CCDC171: variants seen among roughly 807,000 people sequenced by gnomAD.
The protein encoded by CCDC171 is coiled-coil domain-containing protein 171.
In CCDC171, 177 loss-of-function variants were observed where a neutral mutation model predicts 168.2. The observed-to-expected ratio is 1.05, with a 90% CI of 0.93 to 1.19. The LOEUF (loss-of-function observed/expected upper bound fraction) is 1.19, where lower values mean the gene tolerates loss of function less well. CCDC171 is among the 50% of genes most tolerant of loss of function. The pLI is 0.00. For synonymous variants in CCDC171, 687 were observed against 540.8 expected, an observed-to-expected ratio of 1.27 and a Z score of -3.75; for missense variants, 1,991 against 1,539.0, an observed-to-expected ratio of 1.29 and a Z score of -4.91.
At position 15,784,524 on chromosome 9, in the gene CCDC171, G is replaced by A; in HGVS notation, c.3097G>A (p.Glu1033Lys). 3 of 1,612,270 alleles carry A rather than the reference G, an allele frequency of 1.9e-6. No homozygotes were observed. The highest frequency in any genetic ancestry group is 1.7e-4 in the Middle Eastern group (1 of 6,056). The change falls in exon 21 of 26, where the codon GAG becomes AAG. Residue 1033 changes from glutamate (E) to lysine (K), a missense_variant. By Grantham distance (56) the Glu-to-Lys change is moderately conservative. Coordinates refer to ENST00000380701, the MANE Select transcript of CCDC171 (RefSeq NM_173550.4). ...EFKQSKLITH[E>K]KFESACEELN... ...CTTTTTACAGAAATTGATCACCCAT[G>A]AGAAGTTTGAAAGTGCATGTGAAGA... is the stretch of plus-strand genomic sequence containing the variant.
intron 7 of CCDC171, among the ~76,000 whole-genome samples, chr9:15,640,403 C>G (rs2046512570): frequency 6.6e-6 from 1 of 151,962 alleles, no homozygotes; most frequent in Admixed American, 6.6e-5. Flanking sequence ...AAAAAAAACA[C>G]CACCTTCAAA....
At chr9:15,841,473 T>G (rs1298976864) in intron 21 of CCDC171, among the ~76,000 whole-genome samples, 2 of 152,036 alleles carry the variant, frequency 1.3e-5, no homozygotes, top group Non-Finnish European at 2.9e-5. Context: ...TAACTAAGAC[T>G]GCCATTTATT....
the CCDC171 span, among the ~76,000 whole-genome samples, chr9:16,079,593 C>A: frequency 6.6e-6 from 1 of 152,188 alleles, no homozygotes; most frequent in East Asian, 1.9e-4. Context: ...TCACCAGAAG[C>A]CGGGAGAGAG....
chr9:15,938,095 T>C (rs1453975934), intron 25 of CCDC171, among the ~76,000 whole-genome samples: 1 of 151,898 alleles, frequency 6.6e-6, no homozygotes, highest in Non-Finnish European at 1.5e-5. Flanking sequence ...ATCTACCTCA[T>C]CTATTATTTA....
At chr9:15,716,045 C>T (rs1417483734) in intron 11 of CCDC171, among the ~76,000 whole-genome samples, 4 of 152,154 alleles carry the variant, frequency 2.6e-5, no homozygotes, top group Non-Finnish European at 4.4e-5. Context: ...CATATTTGGG[C>T]ACCCAGTGAC....
chr9:15,894,190 A>G (rs1182779254), intron 24 of CCDC171, among the ~76,000 whole-genome samples: 2 of 152,234 alleles, frequency 1.3e-5, no homozygotes, highest in African/African-American at 4.8e-5. Context: ...AAAACCAAAT[A>G]CTGCATGTTC....
chr9:15,796,584 G>A (rs1410279239), intron 21 of CCDC171, among the ~76,000 whole-genome samples: 1 of 152,156 alleles, frequency 6.6e-6, no homozygotes, highest in Admixed American at 6.5e-5. Flanking sequence ...AGTGCCTTTT[G>A]ACAAATGTAT....
chr9:15,790,784 G>A (rs910022409), intron 21 of CCDC171, among the ~76,000 whole-genome samples: 1 of 152,172 alleles, frequency 6.6e-6, no homozygotes, highest in South Asian at 2.1e-4. Flanking sequence ...TAAGGTGTAA[G>A]GAAGGGATCC....
chr9:15,786,241 T>G (rs1200363137), intron 21 of CCDC171, among the ~76,000 whole-genome samples: 1 of 152,168 alleles, frequency 6.6e-6, no homozygotes, highest in African/African-American at 2.4e-5. Flanking sequence ...TATACTGTTT[T>G]GAAACTTACT....
intron 3 of CCDC171, among the ~76,000 whole-genome samples, chr9:16,007,660 G>C (rs1832746704): frequency 6.6e-6 from 1 of 152,166 alleles, no homozygotes; most frequent in Non-Finnish European, 1.5e-5. Flanking sequence ...TGGCTAGCCA[G>C]TTTTCCCAGC....
At chr9:15,902,426 T>A (rs1821829434) in intron 24 of CCDC171, among the ~76,000 whole-genome samples, 1 of 152,152 alleles carries the variant, frequency 6.6e-6, no homozygotes, top group African/African-American at 2.4e-5. Context: ...GTTGGAAATT[T>A]TCTAGGCAAA....
chr9:15,694,685 C>A (rs1332493080), intron 10 of CCDC171, among the ~76,000 whole-genome samples: 1 of 152,160 alleles, frequency 6.6e-6, no homozygotes, highest in Non-Finnish European at 1.5e-5. Context: ...TGGTCTAACC[C>A]AATGCAGTTT....
rs939451601 is a variant in CCDC171, at chr9:15,973,596, C to T, written c.*1760C>T. 5 of 152,016 alleles carry T rather than the reference C, an allele frequency of 3.3e-5. No individual in the cohort carries two copies. In the East Asian group the frequency reaches 9.6e-4, roughly 29 times the overall value. The allele number at this position is 152,016 out of a possible 1,614,324, so 9.4% of individuals were successfully genotyped here. The stretch of plus-strand genomic sequence containing the variant: ...TTAACCAAATTTCTCTTAATTCTTT[C>T]CTTGGAATTATTTTTAATATGACCT... On this transcript the variant is annotated 3_prime_UTR_variant, in exon 26 of 26. Coordinates refer to ENST00000380701, the MANE Select transcript of CCDC171 (RefSeq NM_173550.4).
At chr9:15,983,215 C>T (rs1280326914) in intron 3 of CCDC171, among the ~76,000 whole-genome samples, 2 of 152,008 alleles carry the variant, frequency 1.3e-5, no homozygotes, top group Admixed American at 6.6e-5. Context: ...TAAGGTTATA[C>T]CCTCCTGCTT....
chr9:15,629,711 A>G (rs1475914228), intron 7 of CCDC171, among the ~76,000 whole-genome samples: 1 of 152,210 alleles, frequency 6.6e-6, no homozygotes, highest in Non-Finnish European at 1.5e-5. Context: ...GAGCAACTCT[A>G]AGACACATAA....
At chr9:15,779,450 C>A (rs2057540726) in intron 20 of CCDC171, among the ~76,000 whole-genome samples, 3 of 152,066 alleles carry the variant, frequency 2.0e-5, no homozygotes, top group Admixed American at 2.0e-4. Context: ...ACCTCTGCCC[C>A]CCGGGTTCAA....
chr9:15,784,496 C>T lies in CCDC171; in HGVS notation c.3082-13C>T, dbSNP rs781003509. 7.6e-6 allele frequency: 12 copies of T among 1,587,894 alleles called. No homozygotes were observed. The highest frequency in any genetic ancestry group is 9.5e-6 in the Non-Finnish European group (11 of 1,158,898). ...GCTTTATAACTGATTCTCCCCTCTC[C>T]TCCTTTTTACAGAAATTGATCACCC... On this transcript the variant is annotated splice_polypyrimidine_tract_variant and intron_variant, in intron 20 of 25. Transcript: ENST00000380701.
chr9:15,578,762 A>T, intron 3 of CCDC171, 87 bp from the exon 4 acceptor site: 1 of 1,100,064 alleles, frequency 9.1e-7, no homozygotes, highest in Non-Finnish European at 1.3e-6. Flanking sequence ...TATATTATGG[A>T]AACAAGTTTC....
rs1287617886 is a variant in CCDC171 at position 15,591,363 on chromosome 9, TAGCAC to T, written c.353_357del (p.Ala118GlufsTer10). 5.1e-6 allele frequency: 8 copies of T among 1,563,976 alleles called. No homozygotes were observed. Among genetic ancestry groups the T allele is most frequent in the Non-Finnish European group, 8.7e-7 (1 of 1,147,024 alleles). ...AATGTACCTATTATTCTATTCTTAA[TAGCAC>T]AGAATTCAGAACTTCAAGCAAAGAC... On this transcript the variant is annotated splice_acceptor_variant and coding_sequence_variant, in exon 5 of 26. Transcript: ENST00000380701. LOFTEE classifies it high-confidence loss of function.
Sources: allele counts gnomAD v4.1 joint callset (sites outside exome capture counted in the v4.1 genomes callset), GRCh38; gene constraint gnomAD v4.1.1; transcripts MANE v1.5; gene names NCBI Gene and HGNC (gene_info 2026-07-23, HGNC 2026-07-21).